C10orf90: variants seen among roughly 807,000 people sequenced by gnomAD.
C10orf90 encodes (E2-independent) E3 ubiquitin-conjugating enzyme FATS.
C10orf90 carries 56 observed loss-of-function variants against 62.5 expected under a neutral mutation model. The observed-to-expected ratio is 0.90, with a 90% confidence interval of 0.72 to 1.12. The LOEUF (loss-of-function observed/expected upper bound fraction) is 1.12. Ranked by LOEUF, C10orf90 falls within the 50% of genes most tolerant of loss-of-function variation. The pLI is 0.00. For missense variants in C10orf90, 970 were observed against 880.4 expected, an observed-to-expected ratio of 1.10 and a Z score of -1.29; for synonymous variants, 386 against 340.4, an observed-to-expected ratio of 1.13 and a Z score of -1.47.
intron 2 of C10orf90, among the ~76,000 whole-genome samples, chr10:126,591,381 G>T (rs1844976347): frequency 1.3e-5 from 2 of 152,190 alleles, no homozygotes; most frequent in African/African-American, 4.8e-5. Context: ...GCGATACAAG[G>T]TTGGTTCAAT....
intron 7 of C10orf90, among the ~76,000 whole-genome samples, chr10:126,442,201 A>C (rs1858378649): frequency 1.3e-5 from 2 of 151,880 alleles, no homozygotes; most frequent in Middle Eastern, 6.8e-3. Flanking sequence ...TAAACTAAAG[A>C]GGTAGAAAAA....
intron 8 of C10orf90, among the ~76,000 whole-genome samples, chr10:126,427,441 A>G (rs532135881): frequency 3.3e-5 from 5 of 152,208 alleles, no homozygotes; most frequent in South Asian, 4.1e-4. Context: ...ATAAAGTCTT[A>G]TTTCTGGGTG....
chr10:126,502,073 A>ACACACACACACCACACAAC (rs1306005491), intron 4 of C10orf90, among the ~76,000 whole-genome samples: 1 of 147,722 alleles, frequency 6.8e-6, no homozygotes, highest in Non-Finnish European at 1.5e-5. Flanking sequence ...CACACACACC[A>ACACACACACACCACACAAC]CACACACACA....
chr10:126,489,989 A>AT lies in C10orf90; in HGVS notation c.1534+13967_1534+13968insA, dbSNP rs1861635657. ...GTATATATACATATAATATATATAT[A>AT]ATATATATTATATATTATATATATT... On this transcript the variant is annotated intron_variant, in intron 4 of 9. Transcript: ENST00000488181. Among the ~76,000 whole-genome samples the AT allele has an allele frequency of 7.2e-5, 8 of 110,416 alleles. No homozygotes were observed. In the South Asian group the frequency reaches 2.1e-3, roughly 28 times the overall value. 72.4% of individuals were successfully genotyped at this position (110,416 alleles called of 152,430 possible).
At chr10:126,493,544 AAGG>A (rs1413296618) in intron 4 of C10orf90, among the ~76,000 whole-genome samples, 1 of 151,666 alleles carries the variant, frequency 6.6e-6, no homozygotes, top group African/African-American at 2.4e-5. Flanking sequence ...TTTAGTAGAG[AAGG>A]AGTTTTGCCA....
intron 2 of C10orf90, among the ~76,000 whole-genome samples, chr10:126,523,144 C>G (rs1298091231): frequency 6.6e-6 from 1 of 152,214 alleles, no homozygotes; most frequent in African/African-American, 2.4e-5. Flanking sequence ...CACTTGGGCT[C>G]TAGCTGAATC....
At chr10:126,590,036 G>T (rs750581471) in intron 2 of C10orf90, among the ~76,000 whole-genome samples, 1 of 152,096 alleles carries the variant, frequency 6.6e-6, no homozygotes, top group Non-Finnish European at 1.5e-5. Context: ...AAAAGCAGGG[G>T]TTGCAATCCT....
intron 2 of C10orf90, among the ~76,000 whole-genome samples, chr10:126,637,909 C>G (rs1235857755): frequency 6.6e-6 from 1 of 152,136 alleles, no homozygotes. Context: ...GAGGAAGGTA[C>G]AGTTGGGCTA....
intron 2 of C10orf90, among the ~76,000 whole-genome samples, chr10:126,581,949 G>C (rs978919376): frequency 6.6e-6 from 1 of 152,180 alleles, no homozygotes; most frequent in Non-Finnish European, 1.5e-5. Flanking sequence ...GATTCGGCGG[G>C]TGGCAGCTGT....
intron 5 of C10orf90, among the ~76,000 whole-genome samples, chr10:126,463,729 C>A (rs1319145781): frequency 6.6e-6 from 1 of 152,234 alleles, no homozygotes; most frequent in Admixed American, 6.5e-5. Context: ...GGCAAAGATG[C>A]CTCTGCACAG....
chr10:126,506,348 C>T (rs1408775935), intron 3 of C10orf90, among the ~76,000 whole-genome samples: 6 of 152,252 alleles, frequency 3.9e-5, no homozygotes, highest in Admixed American at 3.9e-4. Context: ...TGAAGGCTAA[C>T]AGGGTCCTGG....
intron 1 of C10orf90, among the ~76,000 whole-genome samples, chr10:126,652,790 G>A (rs1846316121): frequency 6.6e-6 from 1 of 152,154 alleles, no homozygotes; most frequent in Admixed American, 6.6e-5. Flanking sequence ...TATGAAAGAG[G>A]TAGATTTCCC....
At chr10:126,624,987 T>C (rs1299251676) in intron 2 of C10orf90, among the ~76,000 whole-genome samples, 1 of 152,204 alleles carries the variant, frequency 6.6e-6, no homozygotes, top group African/African-American at 2.4e-5. Context: ...TTAAACTCTA[T>C]TGTTAAATCA....
chr10:126,593,812 T>C (rs553756360), intron 2 of C10orf90, among the ~76,000 whole-genome samples: 1 of 152,244 alleles, frequency 6.6e-6, no homozygotes, highest in African/African-American at 2.4e-5. Context: ...TTTCCAAACA[T>C]TGTGCTTGGT....
chr10:126,525,722 C>A (rs1231083159), intron 2 of C10orf90, among the ~76,000 whole-genome samples: 1 of 152,162 alleles, frequency 6.6e-6, no homozygotes, highest in Non-Finnish European at 1.5e-5. Context: ...TATCCTGTGT[C>A]CCCACTTAGA....
intron 1 of C10orf90, among the ~76,000 whole-genome samples, chr10:126,649,394 T>C (rs1846247129): frequency 6.6e-6 from 1 of 151,996 alleles, no homozygotes; most frequent in Non-Finnish European, 1.5e-5. Context: ...GTGCCCCTGC[T>C]CATCTCTGTG....
intron 4 of C10orf90, among the ~76,000 whole-genome samples, chr10:126,483,536 C>A (rs777675448): frequency 6.6e-6 from 1 of 152,154 alleles, no homozygotes; most frequent in Non-Finnish European, 1.5e-5. Context: ...TTGAAATGAT[C>A]GGTGATATTT....
At chr10:126,584,458 G>A (rs1210609630) in intron 2 of C10orf90, among the ~76,000 whole-genome samples, 1 of 152,086 alleles carries the variant, frequency 6.6e-6, no homozygotes, top group African/African-American at 2.4e-5. Context: ...CTACCTGTCT[G>A]TCTATCCAGC....
chr10:126,584,014 G>A (rs929966222), intron 2 of C10orf90, among the ~76,000 whole-genome samples: 9 of 152,078 alleles, frequency 5.9e-5, no homozygotes, highest in African/African-American at 2.2e-4. Flanking sequence ...CAGCTACCGG[G>A]GAGGCTGAGG....
Sources: allele counts gnomAD v4.1 joint callset (sites outside exome capture counted in the v4.1 genomes callset), GRCh38; gene constraint gnomAD v4.1.1; transcripts MANE v1.5; gene names NCBI Gene and HGNC (gene_info 2026-07-23, HGNC 2026-07-21).